RFTN1: variants seen among roughly 807,000 people sequenced by gnomAD.
RFTN1 encodes the protein raftlin, lipid raft linker 1.
In RFTN1, 26 loss-of-function variants were observed where a neutral mutation model predicts 46.5. That is an observed-to-expected ratio of 0.56 (90% CI 0.41 to 0.78). RFTN1 has a LOEUF of 0.78. Among genes scored for constraint, RFTN1 ranks in the 30% least tolerant of loss-of-function variants. The pLI is 0.00. For missense variants in RFTN1, 693 were observed against 718.7 expected, an observed-to-expected ratio of 0.96 and a Z score of 0.41; for synonymous variants, 261 against 284.2, an observed-to-expected ratio of 0.92 and a Z score of 0.82.
In RFTN1 at chr3:16,442,988, ACAT is replaced by A. The variant is rs979447679; in HGVS notation, c.146-8954_146-8952del. On this transcript the variant is annotated intron_variant, in intron 2 of 9. Coordinates refer to ENST00000334133, the MANE Select transcript of RFTN1 (RefSeq NM_015150.2). This position sits in a 1 kb window ranked among gnomAD's most constrained non-coding sequence, Gnocchi z 4.1. ...TATTTATCCAATCATCTATTGATGG[ACAT>A]GTAGGTTGTTTCCATATCCTGGCTA... Among the ~76,000 whole-genome samples the A allele has an allele frequency of 6.6e-6, 1 of 152,246 alleles. No homozygotes were observed. Among genetic ancestry groups the A allele is most frequent in the Admixed American group, 6.5e-5 (1 of 15,288 alleles).
chr3:16,323,573 G>T, intron 8 of RFTN1, 116 bp from the exon 9 acceptor site: 1 of 688,360 alleles, frequency 1.5e-6, no homozygotes, highest in Non-Finnish European at 2.5e-6. Context: ...GATTATGACA[G>T]GTTAGAAGAG....
chr3:16,433,964 G>A lies in RFTN1; in HGVS notation c.219C>T (p.Tyr73=). Residue 73 remains tyrosine (Y), a synonymous_variant, in exon 3 of 10, where the codon TAC becomes TAT. Coordinates refer to ENST00000334133, the MANE Select transcript of RFTN1 (RefSeq NM_015150.2). The surrounding 1 kb of genome is among the most constrained non-coding windows in gnomAD (Gnocchi z 4.4). ...RDLPAQLLEL[Y]QQGFSLAALH... ...GGGCCGCCAGCGAGAAGCCCTGCTGGTACAGCTCCAGGAGCTGGGCGGGCA... is the reference window on the plus strand; with the variant it reads ...GGGCCGCCAGCGAGAAGCCCTGCTGATACAGCTCCAGGAGCTGGGCGGGCA... The A allele has an allele frequency of 6.2e-7, 1 of 1,614,026 alleles. No individual in the cohort carries two copies. The highest frequency in any genetic ancestry group is 8.5e-7 in the Non-Finnish European group (1 of 1,180,000).
intron 6 of RFTN1, among the ~76,000 whole-genome samples, chr3:16,363,089 C>G (rs1190464409): frequency 6.6e-6 from 1 of 152,238 alleles, no homozygotes; most frequent in African/African-American, 2.4e-5. Flanking sequence ...GATTCACCTA[C>G]TTAACCATGA....
rs1449051836 is a variant in RFTN1, at chr3:16,425,557, T to C, written c.332+8294A>G. Among the ~76,000 whole-genome samples the C allele has an allele frequency of 6.6e-6, 1 of 152,140 alleles. No individual in the cohort carries two copies. The highest frequency in any genetic ancestry group is 1.5e-5 in the Non-Finnish European group (1 of 68,026). ...GAACAGGAGTGGGGAAAATGAGCTC[T>C]CACACCAACCATGCACGTCTCCTTC... On this transcript the variant is annotated intron_variant, in intron 3 of 9. Coordinates refer to ENST00000334133, the MANE Select transcript of RFTN1 (RefSeq NM_015150.2). This position sits in a 1 kb window ranked among gnomAD's most constrained non-coding sequence, Gnocchi z 4.3.
chr3:16,368,146 G>A (rs955305560), intron 6 of RFTN1, among the ~76,000 whole-genome samples: 6 of 147,670 alleles, frequency 4.1e-5, no homozygotes, highest in African/African-American at 7.5e-5. Flanking sequence ...GGAGCCAAAG[G>A]TTCCTCCCTG....
At position 16,402,068 on chromosome 3, in the gene RFTN1, C is replaced by T. The variant is rs2074618168; in HGVS notation, c.441+7307G>A. On this transcript the variant is annotated intron_variant, in intron 4 of 9. Coordinates refer to ENST00000334133, the MANE Select transcript of RFTN1 (RefSeq NM_015150.2). The surrounding 1 kb of genome is among the most constrained non-coding windows in gnomAD (Gnocchi z 4.5). ...GAATGTTCCCTGAGTGTCCCCCTGA[C>T]CCCTCAAGTCTTCATACAACCATCC... is the stretch of plus-strand genomic sequence containing the variant. Among the ~76,000 whole-genome samples, 3 of 152,170 alleles carry T rather than the reference C, an allele frequency of 2.0e-5. No homozygotes were observed. The South Asian group carries it at 6.2e-4, about 32-fold the overall frequency.
intron 2 of RFTN1, among the ~76,000 whole-genome samples, chr3:16,485,089 A>G (rs1329194555): frequency 6.6e-6 from 1 of 152,254 alleles, no homozygotes; most frequent in Non-Finnish European, 1.5e-5. Flanking sequence ...TGTATTTAGC[A>G]TAAACCCAAC....
chr3:16,403,956 ATT>A (rs2074713681), intron 4 of RFTN1, among the ~76,000 whole-genome samples: 1 of 5,306 alleles, frequency 1.9e-4, no homozygotes, highest in Non-Finnish European at 3.5e-4. Context: ...TATAATATAT[ATT>A]TTATATATAT....
In RFTN1 at chr3:16,425,020, C is replaced by T. The variant is rs1370445122; in HGVS notation, c.332+8831G>A. On this transcript the variant is annotated intron_variant, in intron 3 of 9. Coordinates refer to ENST00000334133, the MANE Select transcript of RFTN1 (RefSeq NM_015150.2). The surrounding 1 kb of genome is among the most constrained non-coding windows in gnomAD (Gnocchi z 4.3). ...AATTCAACAGAGTTGAATAGGTAGA[C>T]TATTCAATACAAGACTCCCACAAAG... Among the ~76,000 whole-genome samples, 2 of 151,974 alleles carry T rather than the reference C, an allele frequency of 1.3e-5. No individual in the cohort carries two copies. The highest frequency in any genetic ancestry group is 3.2e-3 in the Middle Eastern group (1 of 316).
intron 4 of RFTN1, among the ~76,000 whole-genome samples, chr3:16,401,321 T>TA (rs56312811): frequency 7.2e-4 from 105 of 145,456 alleles, no homozygotes; most frequent in South Asian, 1.5e-3. Context: ...GAAGCCGTGT[T>TA]AAAAAAAAAA....
intron 3 of RFTN1, among the ~76,000 whole-genome samples, chr3:16,417,722 A>C (rs1271402005): frequency 6.6e-6 from 1 of 152,190 alleles, no homozygotes; most frequent in Non-Finnish European, 1.5e-5. Context: ...ATGGGCAACG[A>C]GTGAAAGATT....
Position 16,481,487 on chromosome 3 carries a change from C to T in RFTN1, c.145+12238G>A, listed in dbSNP as rs923286584. ...CTCAACTCATAACTCATGCCATTGA[C>T]TTCCTTGCATGAATCTCAAAAACAA... On this transcript the variant is annotated intron_variant, in intron 2 of 9. Transcript: ENST00000334133. The surrounding 1 kb of genome is among the most constrained non-coding windows in gnomAD (Gnocchi z 5.1). Among the ~76,000 whole-genome samples, 2 of 152,190 alleles carry T rather than the reference C, an allele frequency of 1.3e-5. No individual in the cohort carries two copies. Among genetic ancestry groups the T allele is most frequent in the Admixed American group, 6.5e-5 (1 of 15,284 alleles).
chr3:16,322,366 A>G lies in RFTN1; in HGVS notation c.1332+1010T>C, dbSNP rs774540704. ...TGTTGGCTGGTGAGGGGCTGCTCCA[A>G]TCTGTTCATTTACTTGATGCTCCTT... On this transcript the variant is annotated intron_variant, in intron 9 of 9. Coordinates refer to ENST00000334133, the MANE Select transcript of RFTN1 (RefSeq NM_015150.2). This position sits in a 1 kb window ranked among gnomAD's most constrained non-coding sequence, Gnocchi z 6.2. 1.3e-5 allele frequency among the ~76,000 whole-genome samples: 2 copies of G among 152,216 alleles called. No homozygotes were observed. The highest frequency in any genetic ancestry group is 6.5e-5 in the Admixed American group (1 of 15,282).
rs17042311 is a variant in RFTN1 at position 16,466,993 on chromosome 3, C to G, written c.145+26732G>C. Among the ~76,000 whole-genome samples, 26,877 of 152,120 alleles carry G rather than the reference C, an allele frequency of 0.18. 2,653 individuals carry two copies. Among genetic ancestry groups the G allele is most frequent in the East Asian group, 0.26 (1,342 of 5,172 alleles). ...AAAGGCCAGATGTGGGAGAAAGAGA[C>G]TGGCAGGCCTAAGGTCAATTCTTAT... On this transcript the variant is annotated intron_variant, in intron 2 of 9. Transcript: ENST00000334133. This position sits in a 1 kb window ranked among gnomAD's most constrained non-coding sequence, Gnocchi z 5.6.
rs1455304201 is a variant in RFTN1 at position 16,404,325 on chromosome 3, T to C, written c.441+5050A>G. Among the ~76,000 whole-genome samples, 2 of 49,372 alleles carry C rather than the reference T, an allele frequency of 4.1e-5. 1 individual carries two copies. Among genetic ancestry groups the C allele is most frequent in the Non-Finnish European group, 7.0e-5 (2 of 28,602 alleles). The allele number at this position is 49,372 out of a possible 152,430, so 32.4% of individuals were successfully genotyped here. On this transcript the variant is annotated intron_variant, in intron 4 of 9. Coordinates refer to ENST00000334133, the MANE Select transcript of RFTN1 (RefSeq NM_015150.2). ...TATGTAATATATATTATATATAATATATAATATATAATATATATAATATAT... is the reference window on the plus strand; with the variant it reads ...TATGTAATATATATTATATATAATACATAATATATAATATATATAATATAT...
At chr3:16,339,185 C>T (rs1176437305) in intron 7 of RFTN1, 1 of 152,266 alleles carries the variant, frequency 6.6e-6, no homozygotes, top group African/African-American at 2.4e-5. Flanking sequence ...AAAGGTGCCA[C>T]ATTCTCAAGC....
chr3:16,488,043 C>A (rs887949963), intron 2 of RFTN1, among the ~76,000 whole-genome samples: 2 of 151,776 alleles, frequency 1.3e-5, no homozygotes, highest in Non-Finnish European at 2.9e-5. Flanking sequence ...GTATCTTCAA[C>A]AACAGCACTG....
chr3:16,441,999 A>T (rs1210550660), intron 2 of RFTN1, among the ~76,000 whole-genome samples: 1 of 152,214 alleles, frequency 6.6e-6, no homozygotes, highest in Non-Finnish European at 1.5e-5. Flanking sequence ...TTTGCAGAAG[A>T]CAAAGCCCAT....
At position 16,422,872 on chromosome 3, in the gene RFTN1, AAGTT is replaced by A. The variant is rs2075214086; in HGVS notation, c.332+10975_332+10978del. On this transcript the variant is annotated intron_variant, in intron 3 of 9. Coordinates refer to ENST00000334133, the MANE Select transcript of RFTN1 (RefSeq NM_015150.2). This position sits in a 1 kb window ranked among gnomAD's most constrained non-coding sequence, Gnocchi z 4.6. Reference sequence around the variant, plus strand: ...AAGGTGGCTACCTAGAAGAAAATAAAAGTTAGACTCCTGGCTGGGTGCAGTGGCT... The same window carrying A: ...AAGGTGGCTACCTAGAAGAAAATAAAAGACTCCTGGCTGGGTGCAGTGGCT... 6.6e-6 allele frequency among the ~76,000 whole-genome samples: 1 copy of A among 152,036 alleles called. No homozygotes were observed. The highest frequency in any genetic ancestry group is 1.5e-5 in the Non-Finnish European group (1 of 67,988).
Sources: allele counts gnomAD v4.1 joint callset (sites outside exome capture counted in the v4.1 genomes callset), GRCh38; gene constraint gnomAD v4.1.1; non-coding constraint Gnocchi (gnomAD v3.1); transcripts MANE v1.5; gene names NCBI Gene and HGNC (gene_info 2026-07-23, HGNC 2026-07-21).